The following CAMK4 variants were observed in gnomAD, a reference collection of about 807,000 sequenced individuals.
The protein encoded by CAMK4 is calcium/calmodulin dependent protein kinase IV, also known as calcium/calmodulin-dependent protein kinase type IV.
A neutral mutation model predicts 44.9 loss-of-function variants in CAMK4; 22 were observed. That is an observed-to-expected ratio of 0.49 (90% CI 0.35 to 0.70). The LOEUF is 0.70. Among genes scored for constraint, CAMK4 ranks in the 30% least tolerant of loss-of-function variants. CAMK4 has a pLI of 0.01. For missense variants in CAMK4, 498 were observed against 586.8 expected (o/e 0.85, Z 1.56); for synonymous variants, 218 against 215.4 (o/e 1.01, Z -0.11).
intron 5 of CAMK4, among the ~76,000 whole-genome samples, chr5:111,428,232 A>T (rs1356431248): frequency 6.6e-6 from 1 of 152,264 alleles, no homozygotes; most frequent in African/African-American, 2.4e-5. Context: ...ACGTCCTTTC[A>T]AATATCTGAA....
At chr5:111,257,951 A>G (rs1397743813) in intron 1 of CAMK4, among the ~76,000 whole-genome samples, 1 of 152,200 alleles carries the variant, frequency 6.6e-6, no homozygotes, top group Non-Finnish European at 1.5e-5. Context: ...CATTGAGAAC[A>G]CATGGACAAT....
At chr5:111,312,972 A>G (rs900831991) in intron 1 of CAMK4, among the ~76,000 whole-genome samples, 1 of 152,076 alleles carries the variant, frequency 6.6e-6, no homozygotes, top group African/African-American at 2.4e-5. Context: ...AACAACTTTA[A>G]CTTAAGCTAA....
chr5:111,417,227 AT>A (rs70973606), intron 5 of CAMK4, among the ~76,000 whole-genome samples: 6,630 of 143,634 alleles, frequency 0.046, 472 homozygotes, highest in African/African-American at 0.16. Context: ...CACCCAGCTA[AT>A]TTTTTTTTTT....
intron 5 of CAMK4, among the ~76,000 whole-genome samples, chr5:111,408,921 C>A (rs1404027789): frequency 6.6e-6 from 1 of 152,226 alleles, no homozygotes; most frequent in Non-Finnish European, 1.5e-5. Context: ...CCAGATCATG[C>A]TGATGCAAGC....
intron 5 of CAMK4, among the ~76,000 whole-genome samples, chr5:111,425,909 A>G (rs1034428693): frequency 1.3e-5 from 2 of 152,196 alleles, no homozygotes; most frequent in Non-Finnish European, 2.9e-5. Context: ...CTTTTTTTAA[A>G]CTATGTCATT....
intron 5 of CAMK4, among the ~76,000 whole-genome samples, chr5:111,427,853 C>A (rs1056543433): frequency 6.6e-6 from 1 of 152,248 alleles, no homozygotes; most frequent in African/African-American, 2.4e-5. Context: ...ATGGCTTTGC[C>A]ACATGCTGAT....
At chr5:111,425,427 C>T (rs1753190925) in intron 5 of CAMK4, among the ~76,000 whole-genome samples, 3 of 152,202 alleles carry the variant, frequency 2.0e-5, no homozygotes, top group Admixed American at 1.3e-4. Flanking sequence ...ATAGCAGCTT[C>T]CTGTGCTTTC....
chr5:111,417,304 C>A (rs1480443551), intron 5 of CAMK4, among the ~76,000 whole-genome samples: 1 of 151,644 alleles, frequency 6.6e-6, no homozygotes. Flanking sequence ...AGTACCTCCG[C>A]CCCCCGGGTT....
At chr5:111,355,107 A>C (rs552279334) in intron 2 of CAMK4, among the ~76,000 whole-genome samples, 1 of 152,234 alleles carries the variant, frequency 6.6e-6, no homozygotes, top group East Asian at 1.9e-4. Flanking sequence ...ATAAATCACC[A>C]GCTCAAATAG....
chr5:111,437,577 A>C (rs961994895), intron 5 of CAMK4, among the ~76,000 whole-genome samples: 3 of 152,214 alleles, frequency 2.0e-5, no homozygotes, highest in Non-Finnish European at 4.4e-5. Flanking sequence ...GAGAGGATAT[A>C]AGAGCTGACA....
At chr5:111,242,188 G>A (rs967278056) in intron 1 of CAMK4, among the ~76,000 whole-genome samples, 2 of 151,954 alleles carry the variant, frequency 1.3e-5, no homozygotes, top group African/African-American at 4.8e-5. Context: ...GAAATCCAGC[G>A]GTATTCTGGA....
intron 1 of CAMK4, among the ~76,000 whole-genome samples, chr5:111,275,185 T>A (rs1750705308): frequency 3.3e-5 from 5 of 152,170 alleles, no homozygotes; most frequent in Admixed American, 3.3e-4. Context: ...AATACATTAC[T>A]ATTAACTGTG....
At chr5:111,382,968 A>G (rs1437090288) in intron 4 of CAMK4, among the ~76,000 whole-genome samples, 2 of 152,216 alleles carry the variant, frequency 1.3e-5, no homozygotes, top group African/African-American at 2.4e-5. Context: ...TTATCTGGCT[A>G]TATGTAAAGA....
chr5:111,454,173 G>A (rs1754335440), intron 7 of CAMK4, among the ~76,000 whole-genome samples: 1 of 152,102 alleles, frequency 6.6e-6, no homozygotes, highest in African/African-American at 2.4e-5. Context: ...CCATATAATT[G>A]ACAGAGATGA....
At chr5:111,330,195 T>G (rs1349770134) in intron 1 of CAMK4, among the ~76,000 whole-genome samples, 1 of 151,378 alleles carries the variant, frequency 6.6e-6, no homozygotes, top group Non-Finnish European at 1.5e-5. Context: ...GTTGTATTTA[T>G]ATATATTAGA....
In CAMK4 at chr5:111,292,230, G is replaced by A. The variant is rs1747295536; in HGVS notation, c.162-51794G>A. Among the ~76,000 whole-genome samples, 3 of 152,152 alleles carry A rather than the reference G, an allele frequency of 2.0e-5. No homozygotes were observed. In the South Asian group the frequency reaches 6.2e-4, roughly 31 times the overall value. On this transcript the variant is annotated intron_variant, in intron 1 of 10. Transcript: ENST00000282356. Reference sequence around the variant, plus strand: ...TATCACCCTCATGGATAGTGATAGTGTATCTGAAACAGGTTGGCTTTCAGC... The same window carrying A: ...TATCACCCTCATGGATAGTGATAGTATATCTGAAACAGGTTGGCTTTCAGC...
At chr5:111,479,291 C>T (rs1327150988) in intron 9 of CAMK4, among the ~76,000 whole-genome samples, 1 of 152,168 alleles carries the variant, frequency 6.6e-6, no homozygotes, top group Non-Finnish European at 1.5e-5. Context: ...TAAAAATGTT[C>T]CACTGTGTTA....
chr5:111,387,486 C>T (rs1318022116), intron 4 of CAMK4, among the ~76,000 whole-genome samples: 1 of 152,194 alleles, frequency 6.6e-6, no homozygotes, highest in African/African-American at 2.4e-5. Flanking sequence ...CTCTGAGTTT[C>T]TTCCTAAAGC....
chr5:111,397,270 A>G (rs1752053208), intron 5 of CAMK4, among the ~76,000 whole-genome samples: 1 of 152,232 alleles, frequency 6.6e-6, no homozygotes, highest in African/African-American at 2.4e-5. Flanking sequence ...TAAAATAGGC[A>G]TAGCAATTAA....
Sources: gnomAD v4.1 joint callset for allele counts (sites outside exome capture counted in the v4.1 genomes callset) on GRCh38, gnomAD v4.1.1 for gene constraint, MANE v1.5 for transcripts, NCBI Gene and HGNC (gene_info 2026-07-23, HGNC 2026-07-21) for gene names.